The following ST7L variants were observed in gnomAD, a reference collection of about 807,000 sequenced individuals.
ST7L encodes the protein suppressor of tumorigenicity 7 protein-like.
A neutral mutation model predicts 72.5 loss-of-function variants in ST7L; 57 were observed. That is an observed-to-expected ratio of 0.79 (90% CI 0.64 to 0.98). The LOEUF is 0.98. ST7L is among the 50% of genes least tolerant of loss of function. ST7L has a pLI of 0.00. For synonymous variants in ST7L, 221 were observed against 240.9 expected, an observed-to-expected ratio of 0.92 and a Z score of 0.77; for missense variants, 576 against 672.2, an observed-to-expected ratio of 0.86 and a Z score of 1.58.
chr1:112,517,897 T>G, the ST7L span: 1 of 155,388 alleles, frequency 6.4e-6, no homozygotes, highest in Admixed American at 6.2e-5. Flanking sequence ...TCTGGATAGC[T>G]TGAGAGACGA....
At chr1:112,533,124 A>T (rs1187294987) in intron 14 of ST7L, among the ~76,000 whole-genome samples, 2 of 152,190 alleles carry the variant, frequency 1.3e-5, no homozygotes, top group Admixed American at 6.5e-5. Flanking sequence ...TTCCCTCTGA[A>T]TCATTACAAA....
chr1:112,584,080 T>G lies in ST7L; in HGVS notation c.748A>C (p.Ile250Leu), dbSNP rs761722695. ...TTAAATAACCTTTCAGCATCTACAA[T>G]AGTTGTTGCTTCTTCCTCAGCCAGT... ...VLLAEEEATTIVDAERLFKQA... is the reference protein window; with the variant it reads ...VLLAEEEATTLVDAERLFKQA... Residue 250 changes from isoleucine to leucine, a missense_variant, in exon 7 of 15, where the codon ATT becomes CTT. Physicochemically the swap from Ile to Leu is conservative, Grantham distance 5. Around this residue, in one of 3 missense-constraint regions of ST7L, gnomAD observed 511 missense variants for 600.7 expected, o/e 0.85. Coordinates refer to ENST00000358039, the MANE Select transcript of ST7L (RefSeq NM_017744.5). 7.4e-6 allele frequency: 12 copies of G among 1,614,016 alleles called. No homozygotes were observed. Among genetic ancestry groups the G allele is most frequent in the Non-Finnish European group, 1.0e-5 (12 of 1,180,026 alleles).
chr1:112,519,802 TA>T (rs1652755940), downstream of ST7L, among the ~76,000 whole-genome samples: 1 of 151,526 alleles, frequency 6.6e-6, no homozygotes, highest in East Asian at 1.9e-4. Context: ...TCATTTTGAC[TA>T]AATCACACAA....
chr1:112,618,894 G>A lies in ST7L; in HGVS notation c.205+15C>T, dbSNP rs1670390975. The A allele has an allele frequency of 2.6e-6, 4 of 1,553,060 alleles. No individual in the cohort carries two copies. Among genetic ancestry groups the A allele is most frequent in the Non-Finnish European group, 3.5e-6 (4 of 1,147,908 alleles). ...CTGGCCCCCCGCCCTGCCCCAGGAG[G>A]TCTGGTCCTCTCACCCGCTGCCAAA... On this transcript the variant is annotated intron_variant, in intron 1 of 14. Transcript: ENST00000358039.
chr1:112,547,134 G>A (rs1311887294), intron 13 of ST7L, among the ~76,000 whole-genome samples: 1 of 151,486 alleles, frequency 6.6e-6, no homozygotes, highest in Non-Finnish European at 1.5e-5. Flanking sequence ...TCAGAAAATT[G>A]AGAATCATTC....
intron 13 of ST7L, among the ~76,000 whole-genome samples, chr1:112,546,608 G>C (rs1029068321): frequency 6.6e-6 from 1 of 152,178 alleles, no homozygotes; most frequent in Non-Finnish European, 1.5e-5. Context: ...CAGGGACAGA[G>C]AGATATACAA....
At chr1:112,591,666 G>T (rs1315658834) in intron 5 of ST7L, 63 bp from the exon 6 acceptor site, 3 of 1,297,146 alleles carry the variant, frequency 2.3e-6, no homozygotes, top group Non-Finnish European at 2.2e-6. Context: ...AAATTATGAA[G>T]AATAAGGTAG....
intron 11 of ST7L, among the ~76,000 whole-genome samples, chr1:112,572,653 G>T (rs1662334632): frequency 6.6e-6 from 1 of 152,108 alleles, no homozygotes; most frequent in South Asian, 2.1e-4. Context: ...GAGGAGGGAG[G>T]ATGCTTGAGG....
intron 11 of ST7L, among the ~76,000 whole-genome samples, chr1:112,560,826 G>A (rs1252302220): frequency 1.2e-4 from 19 of 152,086 alleles, no homozygotes; most frequent in Admixed American, 1.2e-3. Context: ...AGCCAGGCAT[G>A]GTGGTGGGTG....
chr1:112,543,421 G>A (rs905336650), intron 13 of ST7L, among the ~76,000 whole-genome samples: 5 of 152,056 alleles, frequency 3.3e-5, no homozygotes, highest in Non-Finnish European at 7.4e-5. Context: ...GGTGACACGC[G>A]CCTATAGTCC....
At chr1:112,615,815 C>T (rs1397374546) in intron 2 of ST7L, among the ~76,000 whole-genome samples, 4 of 152,096 alleles carry the variant, frequency 2.6e-5, no homozygotes, top group Admixed American at 6.6e-5. Context: ...TCTTGGTTCA[C>T]TGTAACCTCC....
intron 13 of ST7L, among the ~76,000 whole-genome samples, chr1:112,544,415 T>C (rs539665824): frequency 6.6e-6 from 1 of 152,356 alleles, no homozygotes; most frequent in African/African-American, 2.4e-5. Context: ...CCTTGAGCCA[T>C]GATTAAAGTA....
chr1:112,520,817 CT>C (rs1197815216), downstream of ST7L: 11 of 357,866 alleles, frequency 3.1e-5, no homozygotes, highest in East Asian at 2.9e-4. Flanking sequence ...GTTGAGGCTC[CT>C]TTTTTCTTTC....
chr1:112,520,171 C>A, downstream of ST7L: 2 of 1,116,390 alleles, frequency 1.8e-6, no homozygotes, highest in South Asian at 1.5e-5. Flanking sequence ...CCACTGTGCC[C>A]AGCCCAAAAA....
chr1:112,556,090 C>A, intron 11 of ST7L, 72 bp from the exon 12 acceptor site: 1 of 1,172,058 alleles, frequency 8.5e-7, no homozygotes, highest in Non-Finnish European at 1.1e-6. Context: ...TAAATTCAAA[C>A]ACCCACAAAA....
chr1:112,550,623 C>T lies in ST7L; in HGVS notation c.1467G>A (p.Thr489=), dbSNP rs774525096. Residue 489 remains threonine, a synonymous_variant, in exon 13 of 15, where the codon ACG becomes ACA. Coordinates refer to ENST00000358039, the MANE Select transcript of ST7L (RefSeq NM_017744.5). The part of the protein sequence containing the change: ...LFYPYPSCTE[T]ADRELLPTFH... Reference sequence around the variant, plus strand: ...TACTAGGTAATAGCTCTCTATCAGCCGTCTCTGTGCAGCTGGGATAAGGGT... The same window carrying T: ...TACTAGGTAATAGCTCTCTATCAGCTGTCTCTGTGCAGCTGGGATAAGGGT... The T allele has an allele frequency of 1.2e-5, 19 of 1,612,754 alleles. No homozygotes were observed. The highest frequency in any genetic ancestry group is 2.2e-5 in the South Asian group (2 of 90,950).
chr1:112,616,669 G>T lies in ST7L; in HGVS notation c.288+144C>A, dbSNP rs1350704655. The T allele has an allele frequency of 7.8e-6, 4 of 511,606 alleles. No individual in the cohort carries two copies. The East Asian group carries it at 1.9e-4, about 24-fold the overall frequency. 31.7% of individuals were successfully genotyped at this position (511,606 alleles called of 1,614,324 possible). On this transcript the variant is annotated intron_variant, in intron 2 of 14. Transcript: ENST00000358039. ...GAGACAGAAGAATTGCTGGAACCTG[G>T]AAGGCGGAAGTTGCAGTGAGCCGAG... is the stretch of plus-strand genomic sequence containing the variant.
At chr1:112,595,382 AAAAAAAAAAAAAAAAG>A (rs1241572714) in intron 5 of ST7L, among the ~76,000 whole-genome samples, 1 of 150,048 alleles carries the variant, frequency 6.7e-6, no homozygotes, top group Non-Finnish European at 1.5e-5. Context: ...AAAAAAAAAA[AAAAAAAAAAAAAAAAG>A]AGCATTTGTT....
intron 14 of ST7L, among the ~76,000 whole-genome samples, chr1:112,538,653 T>G (rs1655600522): frequency 1.3e-5 from 2 of 152,122 alleles, no homozygotes; most frequent in African/African-American, 4.8e-5. Context: ...GGCCTACTAA[T>G]AGTGTTTTAA....
Sources: allele counts gnomAD v4.1 joint callset (sites outside exome capture counted in the v4.1 genomes callset), GRCh38; gene constraint gnomAD v4.1.1; regional missense constraint gnomAD v4.1.1; transcripts MANE v1.5; gene names NCBI Gene and HGNC (gene_info 2026-07-23, HGNC 2026-07-21).